SCP2: variants seen among roughly 807,000 people sequenced by gnomAD.
The protein encoded by SCP2 is sterol carrier protein 2, also known as SCP-2/3-oxoacyl-CoA thiolase.
A neutral mutation model predicts 71.4 loss-of-function variants in SCP2; 48 were observed. That is an observed-to-expected ratio of 0.67 (90% CI 0.53 to 0.86). The LOEUF is 0.86. Among genes scored for constraint, SCP2 ranks in the 40% least tolerant of loss-of-function variants. The pLI, the probability that SCP2 is intolerant of heterozygous loss-of-function variation, is 0.00. For synonymous variants in SCP2, 220 were observed against 218.1 expected, an observed-to-expected ratio of 1.01 and a Z score of -0.08; for missense variants, 560 against 655.6, an observed-to-expected ratio of 0.85 and a Z score of 1.59.
chr1:52,927,387 T>A lies in SCP2; in HGVS notation c.-10T>A, dbSNP rs756943613. 6.3e-7 allele frequency: 1 copy of A among 1,583,162 alleles called. No homozygotes were observed. The highest frequency in any genetic ancestry group is 8.6e-7 in the Non-Finnish European group (1 of 1,165,820). On this transcript the variant is annotated 5_prime_UTR_variant, in exon 1 of 16. Coordinates refer to ENST00000371514, the MANE Select transcript of SCP2 (RefSeq NM_002979.5). Reference sequence around the variant, plus strand: ...CGCGGCGCCCGCCCCGGTCCCGCACTGGTGCAGCCATGTCCTCTTCCCCGT... The same window carrying A: ...CGCGGCGCCCGCCCCGGTCCCGCACAGGTGCAGCCATGTCCTCTTCCCCGT...
chr1:53,011,546 A>C (rs993648018), intron 11 of SCP2, among the ~76,000 whole-genome samples: 1 of 152,194 alleles, frequency 6.6e-6, no homozygotes, highest in African/African-American at 2.4e-5. Flanking sequence ...TCATGTAAAA[A>C]GGTTGACCAA....
intron 11 of SCP2, chr1:52,994,698 A>C (rs928951310): frequency 1.4e-6 from 1 of 691,972 alleles, no homozygotes; most frequent in African/African-American, 1.9e-5. Context: ...CCTTGAGGCG[A>C]GCAAAAAAAT....
chr1:53,029,895 G>T (rs79642047), intron 13 of SCP2, among the ~76,000 whole-genome samples: 20,493 of 146,496 alleles, frequency 0.14, 1,981 homozygotes, highest in East Asian at 0.33. Flanking sequence ...TTTACCCCCT[G>T]TTTTTTTTTT....
chr1:53,034,112 A>G (rs6662474), intron 13 of SCP2, among the ~76,000 whole-genome samples: 21,596 of 151,890 alleles, frequency 0.14, 2,257 homozygotes, highest in East Asian at 0.33. Flanking sequence ...AAAAACACCA[A>G]AATTTTTAGT....
chr1:53,018,466 G>A (rs1661494498), intron 12 of SCP2, among the ~76,000 whole-genome samples: 2 of 152,150 alleles, frequency 1.3e-5, no homozygotes, highest in South Asian at 4.1e-4. Context: ...ACAGGGTTGG[G>A]CGTGGTATCT....
chr1:53,007,115 AC>A lies in SCP2; in HGVS notation c.1082-7772del, dbSNP rs1275311156. 2.0e-5 allele frequency among the ~76,000 whole-genome samples: 3 copies of A among 152,216 alleles called. 1 individual carries two copies. The East Asian group carries it at 5.8e-4, about 29-fold the overall frequency. On this transcript the variant is annotated intron_variant, in intron 11 of 15. Coordinates refer to ENST00000371514, the MANE Select transcript of SCP2 (RefSeq NM_002979.5). ...ATATATATTCACCCAATACAGGAGC[AC>A]CCGGATTCATAAAGCAAGTCCTTAG...
chr1:52,944,148 G>T (rs1404231582), intron 2 of SCP2, among the ~76,000 whole-genome samples: 1 of 152,176 alleles, frequency 6.6e-6, no homozygotes, highest in Non-Finnish European at 1.5e-5. Context: ...CCCATAAGTT[G>T]TTAGGCACAG....
intron 12 of SCP2, 72 bp from the exon 13 acceptor site, chr1:53,027,897 T>C: frequency 2.4e-6 from 2 of 839,638 alleles, no homozygotes; most frequent in Non-Finnish European, 4.0e-6. Flanking sequence ...TTTTGAAAAT[T>C]ACTATTTTAT....
At chr1:52,944,619 A>G (rs1448239111) in intron 2 of SCP2, among the ~76,000 whole-genome samples, 1 of 152,062 alleles carries the variant, frequency 6.6e-6, no homozygotes. Context: ...CTTTTATTTC[A>G]TTAAAAAATT....
intron 1 of SCP2, among the ~76,000 whole-genome samples, chr1:52,938,085 G>A (rs978278696): frequency 2.6e-5 from 4 of 152,108 alleles, no homozygotes; most frequent in Non-Finnish European, 5.9e-5. Context: ...GTTATAATTC[G>A]CATATAATGA....
intron 6 of SCP2, among the ~76,000 whole-genome samples, chr1:52,971,110 G>A (rs1357267388): frequency 1.3e-4 from 19 of 151,520 alleles, no homozygotes; most frequent in African/African-American, 4.4e-4. Flanking sequence ...CGAGTAGCTG[G>A]GACTACAGAT....
chr1:53,020,594 C>G (rs1572196345), intron 12 of SCP2, among the ~76,000 whole-genome samples: 2 of 152,162 alleles, frequency 1.3e-5, no homozygotes, highest in South Asian at 4.2e-4. Flanking sequence ...CCACTGTGCC[C>G]AGCCTGAAAA....
At chr1:53,040,720 A>G (rs1043693003) in intron 14 of SCP2, among the ~76,000 whole-genome samples, 3 of 150,830 alleles carry the variant, frequency 2.0e-5, no homozygotes, top group Non-Finnish European at 4.4e-5. Context: ...GACTCCGTCT[A>G]AAAAAAAACA....
chr1:52,988,405 T>A (rs537630681), intron 11 of SCP2, among the ~76,000 whole-genome samples: 1 of 152,324 alleles, frequency 6.6e-6, no homozygotes, highest in East Asian at 1.9e-4. Context: ...TAAGAATCAT[T>A]TGAAATGAGC....
At chr1:52,961,663 A>AT in intron 6 of SCP2, 34 bp downstream of exon 6, 2 of 1,577,294 alleles carry the variant, frequency 1.3e-6, no homozygotes, top group Non-Finnish European at 1.7e-6. Context: ...GAGGCTTCTT[A>AT]CTAGTTATAT....
intron 12 of SCP2, among the ~76,000 whole-genome samples, chr1:53,023,745 G>A (rs1220751621): frequency 6.6e-6 from 1 of 152,100 alleles, no homozygotes; most frequent in African/African-American, 2.4e-5. Flanking sequence ...TCTGTGCAAC[G>A]AGGACTGCAC....
chr1:52,983,857 G>A (rs1658731888), intron 10 of SCP2, among the ~76,000 whole-genome samples: 1 of 152,156 alleles, frequency 6.6e-6, no homozygotes, highest in Admixed American at 6.5e-5. Flanking sequence ...TCTTTGTATA[G>A]CAAACAATTT....
At chr1:52,930,437 G>A (rs998782591) in intron 1 of SCP2, among the ~76,000 whole-genome samples, 2 of 151,990 alleles carry the variant, frequency 1.3e-5, no homozygotes, top group Non-Finnish European at 2.9e-5. Flanking sequence ...CAGCCTGGGC[G>A]ATATTGGCAA....
intron 11 of SCP2, among the ~76,000 whole-genome samples, chr1:53,000,527 C>A (rs1660245512): frequency 6.6e-6 from 1 of 152,080 alleles, no homozygotes; most frequent in African/African-American, 2.4e-5. Context: ...AGTGTTAGGT[C>A]CTGATCTTCT....
Sources: allele counts gnomAD v4.1 joint callset (sites outside exome capture counted in the v4.1 genomes callset), GRCh38; gene constraint gnomAD v4.1.1; transcripts MANE v1.5; gene names NCBI Gene and HGNC (gene_info 2026-07-23, HGNC 2026-07-21).